Variants in ANK3 observed in about 807,000 individuals in gnomAD.
The protein encoded by ANK3 is ankyrin 3, also known as ankyrin-3.
In ANK3, 57 loss-of-function variants were observed where a neutral mutation model predicts 370.9. That is an observed-to-expected ratio of 0.15 (90% CI 0.12 to 0.19). The LOEUF is 0.19. ANK3 is among the 10% of genes least tolerant of loss of function. ANK3 has a pLI of 1.00. For missense variants in ANK3, 4,439 were observed against 5,302.1 expected (o/e 0.84, Z 5.06); for synonymous variants, 1,929 against 1,946.3 (o/e 0.99, Z 0.23).
At chr10:60,118,987 A>G (rs538322956) in intron 25 of ANK3, among the ~76,000 whole-genome samples, 1 of 152,320 alleles carries the variant, frequency 6.6e-6, no homozygotes, top group South Asian at 2.1e-4. Context: ...TCTGCCACTC[A>G]TTGAAGCTTT....
At chr10:60,406,187 A>T (rs1209340772) in intron 2 of ANK3, among the ~76,000 whole-genome samples, 1 of 152,178 alleles carries the variant, frequency 6.6e-6, no homozygotes, top group African/African-American at 2.4e-5. Flanking sequence ...TACCACAACA[A>T]TTGAACTCTG....
chr10:60,178,807 T>C (rs1442529429), intron 18 of ANK3, among the ~76,000 whole-genome samples: 2 of 152,158 alleles, frequency 1.3e-5, no homozygotes, highest in Non-Finnish European at 2.9e-5. Flanking sequence ...TTCCGGACAT[T>C]ATCCTTCTGA....
rs1032515692 is a variant in ANK3 at position 60,181,890 on chromosome 10, T to A, written c.2086-463A>T. Among the ~76,000 whole-genome samples the A allele has an allele frequency of 8.5e-5, 13 of 152,296 alleles. No individual in the cohort carries two copies. In the Middle Eastern group the frequency reaches 0.01, roughly 120 times the overall value. Reference sequence around the variant, plus strand: ...TAGGCTGCATGAAAAATTGTAGGCATACTCGAAAGTGTAAGAAATGGAGTG... The same window carrying A: ...TAGGCTGCATGAAAAATTGTAGGCAAACTCGAAAGTGTAAGAAATGGAGTG... On this transcript the variant is annotated intron_variant, in intron 17 of 43. Transcript: ENST00000280772.
chr10:60,499,322 T>G (rs2075738052), intron 2 of ANK3, among the ~76,000 whole-genome samples: 1 of 152,330 alleles, frequency 6.6e-6, no homozygotes, highest in Non-Finnish European at 1.5e-5. Flanking sequence ...TTCAGCTGCA[T>G]GTGGGCACCT....
At chr10:60,533,923 T>G (rs1206656934) in intron 2 of ANK3, among the ~76,000 whole-genome samples, 4 of 152,100 alleles carry the variant, frequency 2.6e-5, no homozygotes, top group Admixed American at 6.6e-5. Flanking sequence ...TAATAAAAAA[T>G]TAAGGTGTTT....
intron 2 of ANK3, among the ~76,000 whole-genome samples, chr10:60,602,357 AT>A (rs2078075629): frequency 6.6e-6 from 1 of 152,110 alleles, no homozygotes; most frequent in Non-Finnish European, 1.5e-5. Flanking sequence ...GTCATTTGGC[AT>A]CTTCTGTAAA....
chr10:60,279,411 A>G, intron 2 of ANK3, 127 bp downstream of exon 2: 1 of 782,020 alleles, frequency 1.3e-6, no homozygotes, highest in Non-Finnish European at 2.1e-6. Flanking sequence ...ACAGAGAATA[A>G]TTTGACAATG....
rs2083471001 is a variant in ANK3 at position 60,075,067 on chromosome 10, T to C, written c.5814A>G (p.Arg1938=). 1 of 1,613,940 alleles carries C rather than the reference T, an allele frequency of 6.2e-7. No individual in the cohort carries two copies. Among genetic ancestry groups the C allele is most frequent in the African/African-American group, 1.3e-5 (1 of 74,940 alleles). Residue 1938 remains arginine, a synonymous_variant, in exon 37 of 44, where the codon AGA becomes AGG. Coordinates refer to ENST00000280772, the MANE Select transcript of ANK3 (RefSeq NM_020987.5). ...TTTTGAAAGGTTCTTCATCATCTAT[T>C]CTCCCTTCCTTTGGGAGTTCAGGTT... ...PFQPELPKEG[R]IDDEEPFKIV...
At chr10:60,439,638 C>A (rs1362067261) in intron 2 of ANK3, among the ~76,000 whole-genome samples, 1 of 152,214 alleles carries the variant, frequency 6.6e-6, no homozygotes. Context: ...CTCAGGAATG[C>A]CATCCAACTG....
At chr10:60,397,744 T>C (rs951825024) in intron 2 of ANK3, among the ~76,000 whole-genome samples, 1 of 152,228 alleles carries the variant, frequency 6.6e-6, no homozygotes, top group Non-Finnish European at 1.5e-5. Context: ...TTCCTTGCCC[T>C]TCCATTAGAT....
chr10:60,573,226 C>CT (rs372389609), intron 2 of ANK3, among the ~76,000 whole-genome samples: 14 of 148,104 alleles, frequency 9.5e-5, no homozygotes, highest in South Asian at 2.2e-4. Flanking sequence ...CATGATTACT[C>CT]TTTTTTTTTT....
chr10:60,475,413 A>G (rs1466631711), intron 2 of ANK3, among the ~76,000 whole-genome samples: 1 of 152,134 alleles, frequency 6.6e-6, no homozygotes, highest in Admixed American at 6.6e-5. Flanking sequence ...CCTTGCGTCC[A>G]TAAATTTTGG....
At position 60,417,616 on chromosome 10, in the gene ANK3, G is replaced by T. The variant is rs112719311; in HGVS notation, c.97-137977C>A. 2.9e-3 allele frequency among the ~76,000 whole-genome samples: 441 copies of T among 152,312 alleles called. 2 individuals are homozygous for T. The highest frequency in any genetic ancestry group is 0.01 in the African/African-American group (418 of 41,564). ...GTGCCACCTATGAAGTTAGCAACCT[G>T]CAGAAAGAATGGATGAAAATCTGCA... is the stretch of plus-strand genomic sequence containing the variant. On this transcript the variant is annotated intron_variant, in intron 2 of 43. Transcript: ENST00000373827.
intron 2 of ANK3, among the ~76,000 whole-genome samples, chr10:60,517,524 T>C (rs2076249467): frequency 6.6e-6 from 1 of 152,114 alleles, no homozygotes; most frequent in Admixed American, 6.6e-5. Flanking sequence ...CACGTGTATG[T>C]ATTTATTACC....
At chr10:60,389,175 G>A (rs2062841430) in intron 1 of ANK3, among the ~76,000 whole-genome samples, 1 of 151,982 alleles carries the variant, frequency 6.6e-6, no homozygotes, top group Admixed American at 6.6e-5. Flanking sequence ...ACATGCCCAT[G>A]CCTATATAAA....
chr10:60,134,328 G>T lies in ANK3; in HGVS notation c.2784C>A (p.Ser928Arg), dbSNP rs1430592359. ...SSDRSYTLNR[S>R]SYARDSMMIE... ...TCATCATGCTGTCCCGTGCATAGGA[G>T]CTTCTGTTCAAGGTGTAAGACCTAT... The change falls in exon 25 of 44, where the codon AGC (serine) becomes AGA (arginine). Residue 928 changes from serine (S) to arginine (R), a missense_variant. Coordinates refer to ENST00000280772, the MANE Select transcript of ANK3 (RefSeq NM_020987.5). 2 of 1,613,830 alleles carry T rather than the reference G, an allele frequency of 1.2e-6. No individual in the cohort carries two copies. Among genetic ancestry groups the T allele is most frequent in the Non-Finnish European group, 1.7e-6 (2 of 1,179,928 alleles).
chr10:60,077,299 C>G (rs2084056473), intron 36 of ANK3, among the ~76,000 whole-genome samples: 1 of 152,110 alleles, frequency 6.6e-6, no homozygotes, highest in African/African-American at 2.4e-5. Flanking sequence ...CTTTAAAATG[C>G]ATGTGTACAT....
intron 2 of ANK3, among the ~76,000 whole-genome samples, chr10:60,540,637 G>C (rs2076825869): frequency 6.6e-6 from 1 of 151,876 alleles, no homozygotes; most frequent in Non-Finnish European, 1.5e-5. Flanking sequence ...GAGATTAAGA[G>C]ACACCATGGT....
At chr10:60,144,640 C>G (rs1408482974) in intron 23 of ANK3, among the ~76,000 whole-genome samples, 1 of 152,146 alleles carries the variant, frequency 6.6e-6, no homozygotes, top group East Asian at 1.9e-4. Context: ...AAGAGATTTC[C>G]TACACCATAA....
Sources: allele counts gnomAD v4.1 joint callset (sites outside exome capture counted in the v4.1 genomes callset), GRCh38; gene constraint gnomAD v4.1.1; transcripts MANE v1.5; gene names NCBI Gene and HGNC (gene_info 2026-07-23, HGNC 2026-07-21).